Variants in ROCK1 observed in about 807,000 individuals in gnomAD.
ROCK1 encodes Rho associated coiled-coil containing protein kinase 1, also known as rho-associated protein kinase 1.
Under a neutral mutation model 196.8 loss-of-function variants are expected in ROCK1, and 36 were observed. The observed-to-expected ratio is 0.18, with a 90% CI of 0.14 to 0.24. The LOEUF (loss-of-function observed/expected upper bound fraction) is 0.24, where lower values mean the gene tolerates loss of function less well. Among genes scored for constraint, ROCK1 ranks in the 10% least tolerant of loss-of-function variants. ROCK1 has a pLI of 1.00. For missense variants in ROCK1, 920 were observed against 1,562.0 expected (o/e 0.59, Z 6.93); for synonymous variants, 443 against 515.9 (o/e 0.86, Z 1.91).
intron 1 of ROCK1, among the ~76,000 whole-genome samples, chr18:21,072,253 A>G (rs1037209397): frequency 2.6e-5 from 4 of 152,340 alleles, no homozygotes; most frequent in Middle Eastern, 3.4e-3. Flanking sequence ...TGGACCTGGT[A>G]CCACACACTT....
chr18:20,986,676 G>A (rs2035581075), intron 19 of ROCK1, among the ~76,000 whole-genome samples: 2 of 151,978 alleles, frequency 1.3e-5, no homozygotes. Context: ...TAAAGCAGAT[G>A]GTCAGTTTTT....
Position 20,968,932 on chromosome 18 carries a change from T to A in ROCK1, c.2915-72A>T. ...TTCTGCATTTCAAACTAACAATGTC[T>A]TTAATTATTCAAATAAGTATACATT... On this transcript the variant is annotated intron_variant, in intron 24 of 32. Transcript: ENST00000399799. 4 of 1,062,798 alleles carry A rather than the reference T, an allele frequency of 3.8e-6. No individual in the cohort carries two copies. The South Asian group carries it at 5.2e-5, about 14-fold the overall frequency. The allele number at this position is 1,062,798 out of a possible 1,614,324, so 65.8% of individuals were successfully genotyped here.
chr18:20,959,485 T>G (rs1353699781), intron 29 of ROCK1, among the ~76,000 whole-genome samples: 1 of 151,542 alleles, frequency 6.6e-6, no homozygotes, highest in South Asian at 2.1e-4. Flanking sequence ...GTGCTGGGGT[T>G]ACAGGTGTGA....
At chr18:20,992,787 G>A in intron 17 of ROCK1, 44 bp downstream of exon 17, 3 of 1,084,646 alleles carry the variant, frequency 2.8e-6, no homozygotes, top group Non-Finnish European at 4.2e-6. Context: ...ATGATAATCA[G>A]TAATTACTAT....
intron 16 of ROCK1, among the ~76,000 whole-genome samples, chr18:20,998,668 A>ATG (rs1199762626): frequency 7.0e-6 from 1 of 142,014 alleles, no homozygotes; most frequent in Non-Finnish European, 1.5e-5. Flanking sequence ...GCAGTGATGC[A>ATG]ATCTCGGCTC....
At chr18:21,041,774 ATGT>A (rs2036109365) in intron 8 of ROCK1, among the ~76,000 whole-genome samples, 1 of 152,076 alleles carries the variant, frequency 6.6e-6, no homozygotes, top group Non-Finnish European at 1.5e-5. Context: ...AATTTCAGAG[ATGT>A]TATGTTAAAA....
chr18:20,959,789 T>G, intron 29 of ROCK1, 51 bp downstream of exon 29: 1 of 912,534 alleles, frequency 1.1e-6, no homozygotes, highest in Non-Finnish European at 1.6e-6. Context: ...TAAAAATAAT[T>G]ATCAAAAGTT....
rs377383933 is a variant in ROCK1, at chr18:21,077,819, G to C, written c.94-7206C>G. Among the ~76,000 whole-genome samples the C allele has an allele frequency of 6.5e-4, 99 of 152,290 alleles. No individual in the cohort carries two copies. In the Middle Eastern group the frequency reaches 0.014, roughly 21 times the overall value. Reference sequence around the variant, plus strand: ...AGCAGAGGGCAAATCTGCAAAGACTGAGAGGTGGTTCTCTTTTTGTTTTCT... The same window carrying C: ...AGCAGAGGGCAAATCTGCAAAGACTCAGAGGTGGTTCTCTTTTTGTTTTCT... On this transcript the variant is annotated intron_variant, in intron 1 of 32. Coordinates refer to ENST00000399799, the MANE Select transcript of ROCK1 (RefSeq NM_005406.3).
At chr18:20,954,468 C>G (rs1166602086) in intron 31 of ROCK1, among the ~76,000 whole-genome samples, 4 of 151,550 alleles carry the variant, frequency 2.6e-5, no homozygotes, top group Non-Finnish European at 5.9e-5. Context: ...CCCAGCTACT[C>G]AGGAGGCTGA....
rs1217591934 is a variant in ROCK1 at position 20,950,076 on chromosome 18, G to A, written c.*1308C>T. On this transcript the variant is annotated 3_prime_UTR_variant, in exon 33 of 33. Transcript: ENST00000399799. ...TGCAAAGCCATTATAAATTACTGAG[G>A]AGGTATTTGGTTAAAAAAATAAACA... is the stretch of plus-strand genomic sequence containing the variant. 6.6e-6 allele frequency: 1 copy of A among 152,606 alleles called. No individual in the cohort carries two copies. Among genetic ancestry groups the A allele is most frequent in the African/African-American group, 2.4e-5 (1 of 41,436 alleles). The allele number at this position is 152,606 out of a possible 1,614,324, so 9.5% of individuals were successfully genotyped here. A position where few individuals can be genotyped will look rare whatever the true frequency, so the allele number is the denominator to read the frequency against.
chr18:21,090,495 A>G (rs1245704225), intron 1 of ROCK1, among the ~76,000 whole-genome samples: 1 of 152,114 alleles, frequency 6.6e-6, no homozygotes, highest in African/African-American at 2.4e-5. Context: ...CACACACAAA[A>G]CAACACATTA....
intron 22 of ROCK1, among the ~76,000 whole-genome samples, chr18:20,971,143 CCT>C (rs140109365): frequency 1.3e-5 from 2 of 152,170 alleles, no homozygotes; most frequent in East Asian, 3.9e-4. Flanking sequence ...TCTCAAAGAG[CCT>C]CTCTTGGATA....
intron 2 of ROCK1, among the ~76,000 whole-genome samples, chr18:21,061,854 T>A (rs1243051033): frequency 6.6e-6 from 1 of 152,214 alleles, no homozygotes; most frequent in Non-Finnish European, 1.5e-5. Flanking sequence ...TTATTTTACA[T>A]GAATATTAGG....
intron 1 of ROCK1, among the ~76,000 whole-genome samples, chr18:21,082,110 A>AT (rs58714897): frequency 0.012 from 1,728 of 146,168 alleles, 31 homozygotes; most frequent in African/African-American, 0.039. Context: ...CACCTGGTTA[A>AT]TTTTTTTTTT....
intron 22 of ROCK1, among the ~76,000 whole-genome samples, chr18:20,979,426 A>C (rs1438177105): frequency 6.6e-6 from 1 of 152,102 alleles, no homozygotes; most frequent in Non-Finnish European, 1.5e-5. Context: ...GTTTGAGACC[A>C]ACCTGACCAA....
intron 9 of ROCK1, among the ~76,000 whole-genome samples, chr18:21,032,683 C>T (rs1408778897): frequency 7.1e-6 from 1 of 140,220 alleles, no homozygotes; most frequent in African/African-American, 3.0e-5. Context: ...CCATGCCTGG[C>T]TATTTTTTTT....
chr18:20,959,138 A>T (rs1329115219), intron 29 of ROCK1, among the ~76,000 whole-genome samples: 6 of 62,824 alleles, frequency 9.6e-5, no homozygotes, highest in African/African-American at 3.3e-4. Context: ...TATTATATAT[A>T]TTATATAAAA....
intron 16 of ROCK1, among the ~76,000 whole-genome samples, chr18:20,997,324 A>G (rs2035680484): frequency 6.6e-6 from 1 of 152,210 alleles, no homozygotes; most frequent in South Asian, 2.1e-4. Context: ...AAACAAAAAC[A>G]AAAAAAGAGC....
chr18:20,982,677 A>T, intron 21 of ROCK1, 86 bp downstream of exon 21: 3 of 647,866 alleles, frequency 4.6e-6, no homozygotes, highest in Non-Finnish European at 8.3e-6. Flanking sequence ...TTGAAAAAGA[A>T]TTACAGTTCA....
Sources: allele counts gnomAD v4.1 joint callset (sites outside exome capture counted in the v4.1 genomes callset), GRCh38; gene constraint gnomAD v4.1.1; transcripts MANE v1.5; gene names NCBI Gene and HGNC (gene_info 2026-07-23, HGNC 2026-07-21).